The following SLMAP variants were observed in gnomAD, a reference collection of about 807,000 sequenced individuals.
SLMAP encodes the protein sarcolemma associated protein.
A neutral mutation model predicts 128.8 loss-of-function variants in SLMAP; 44 were observed. The ratio of observed to expected loss-of-function variants is 0.34; its 90% CI spans 0.27 to 0.44. SLMAP has a LOEUF of 0.44. Among genes scored for constraint, SLMAP ranks in the 20% least tolerant of loss-of-function variants. The pLI is 1.00. For missense variants in SLMAP, 787 were observed against 985.3 expected, an observed-to-expected ratio of 0.80 and a Z score of 2.69; for synonymous variants, 327 against 348.8, an observed-to-expected ratio of 0.94 and a Z score of 0.70.
rs768147597 is a variant in SLMAP, at chr3:57,922,969, T to G, written c.2391T>G (p.Asp797Glu). ...AGCAGGAAAAGCAGTCAATCACAGATGAGCTCAAACAGTGTAAAAACAACC... is the reference window on the plus strand; with the variant it reads ...AGCAGGAAAAGCAGTCAATCACAGAGGAGCTCAAACAGTGTAAAAACAACC... Reference protein sequence around the residue: ...MTEQEKQSITDELKQCKNNLK... With the variant: ...MTEQEKQSITEELKQCKNNLK... The change falls in exon 23 of 25, where the codon GAT becomes GAG. Residue 797 changes from aspartate to glutamate, a missense_variant. By Grantham distance (45) the Asp-to-Glu change is conservative. Transcript: ENST00000671191. The G allele has an allele frequency of 1.9e-6, 3 of 1,613,956 alleles. No individual in the cohort carries two copies. The South Asian group carries it at 3.3e-5, about 18-fold the overall frequency.
chr3:57,831,658 G>A (rs1376456754), intron 3 of SLMAP, 128 bp downstream of exon 3: 15 of 582,484 alleles, frequency 2.6e-5, no homozygotes, highest in Non-Finnish European at 4.0e-5. Flanking sequence ...TATATACAGT[G>A]AAAAGTTAAA....
At chr3:57,919,586 G>T (rs1283964733) in intron 22 of SLMAP, among the ~76,000 whole-genome samples, 1 of 151,848 alleles carries the variant, frequency 6.6e-6, no homozygotes, top group Non-Finnish European at 1.5e-5. Context: ...CCTGAGGTCG[G>T]CAGTTCGAGA....
chr3:57,885,380 TTG>T (rs2095852872), intron 14 of SLMAP, among the ~76,000 whole-genome samples: 1 of 145,492 alleles, frequency 6.9e-6, no homozygotes, highest in African/African-American at 2.7e-5. Flanking sequence ...AGCTTGTTTG[TTG>T]TTGTTGTTGT....
chr3:57,778,598 G>C (rs1321894166), intron 2 of SLMAP, among the ~76,000 whole-genome samples: 2 of 138,864 alleles, frequency 1.4e-5, no homozygotes, highest in Non-Finnish European at 3.1e-5. Flanking sequence ...TTGAGACCAG[G>C]CCTTGCTGTG....
At chr3:57,811,880 CA>C (rs1265877056) in intron 2 of SLMAP, among the ~76,000 whole-genome samples, 3 of 152,136 alleles carry the variant, frequency 2.0e-5, no homozygotes, top group African/African-American at 4.8e-5. Context: ...CTTCTTTGGA[CA>C]AATGTCTATT....
intron 17 of SLMAP, among the ~76,000 whole-genome samples, chr3:57,902,944 G>T (rs775238565): frequency 6.6e-6 from 1 of 152,142 alleles, no homozygotes; most frequent in Admixed American, 6.6e-5. Context: ...GCAGCTGGAT[G>T]TGCAGAACAG....
chr3:57,917,811 C>CG (rs2096843112), intron 22 of SLMAP: 1 of 152,142 alleles, frequency 6.6e-6, no homozygotes. Context: ...CTGGCCAGCT[C>CG]GGGGAATGGA....
chr3:57,759,279 CT>C (rs530906553), intron 2 of SLMAP, among the ~76,000 whole-genome samples: 674 of 141,840 alleles, frequency 4.8e-3, no homozygotes, highest in African/African-American at 6.0e-3. Flanking sequence ...ACTCGTAATC[CT>C]TTTTTTTTTT....
At chr3:57,834,533 A>G (rs1340475536) in intron 3 of SLMAP, among the ~76,000 whole-genome samples, 1 of 152,156 alleles carries the variant, frequency 6.6e-6, no homozygotes, top group Non-Finnish European at 1.5e-5. Context: ...AATTATCTCA[A>G]GAAGTGGAAA....
intron 2 of SLMAP, among the ~76,000 whole-genome samples, chr3:57,802,178 G>A (rs925304293): frequency 4.6e-5 from 7 of 151,924 alleles, no homozygotes; most frequent in Middle Eastern, 3.4e-3. Flanking sequence ...TAATTCAGCT[G>A]TAAAACAATT....
At chr3:57,850,332 T>C (rs2094455318) in intron 6 of SLMAP, among the ~76,000 whole-genome samples, 1 of 151,346 alleles carries the variant, frequency 6.6e-6, no homozygotes, top group East Asian at 1.9e-4. Context: ...GATAAAAGAG[T>C]CAACATTAAA....
At position 57,884,416 on chromosome 3, in the gene SLMAP, T is replaced by A. The variant is rs1458832839; in HGVS notation, c.1301-5625T>A. On this transcript the variant is annotated intron_variant, in intron 14 of 24. Coordinates refer to ENST00000671191, the MANE Select transcript of SLMAP (RefSeq NM_001377540.1). ...GAGAGTTAAATGAAAGTCTCTGTACTGAATCAGAATGCTCGTCAACAGGCT... is the reference window on the plus strand; with the variant it reads ...GAGAGTTAAATGAAAGTCTCTGTACAGAATCAGAATGCTCGTCAACAGGCT... Among the ~76,000 whole-genome samples, 3 of 152,196 alleles carry A rather than the reference T, an allele frequency of 2.0e-5. No homozygotes were observed. In the East Asian group the frequency reaches 5.8e-4, roughly 29 times the overall value.
chr3:57,758,152 G>A (rs553434042), intron 2 of SLMAP, among the ~76,000 whole-genome samples: 1 of 152,310 alleles, frequency 6.6e-6, no homozygotes, highest in African/African-American at 2.4e-5. Flanking sequence ...CTTTTAGTCT[G>A]TTTAGAAAGG....
At chr3:57,856,625 A>G (rs915519580) in intron 6 of SLMAP, among the ~76,000 whole-genome samples, 1 of 152,048 alleles carries the variant, frequency 6.6e-6, no homozygotes, top group African/African-American at 2.4e-5. Flanking sequence ...TCTTCTGGAT[A>G]CCTCCTAAAG....
rs1048055627 is a variant in SLMAP, at chr3:57,757,068, C to T, written c.-584C>T. 2 of 157,992 alleles carry T rather than the reference C, an allele frequency of 1.3e-5. No homozygotes were observed. The highest frequency in any genetic ancestry group is 4.8e-5 in the African/African-American group (2 of 41,498). The allele number at this position is 157,992 out of a possible 1,614,324, so 9.8% of individuals were successfully genotyped here. A position where few individuals can be genotyped will look rare whatever the true frequency, so the allele number is the denominator to read the frequency against. ...AGCAGGGGCGATGCAGACTGTCCCGCCGGCCGTCTAGAGCCCCTCCGTCTC... is the reference window on the plus strand; with the variant it reads ...AGCAGGGGCGATGCAGACTGTCCCGTCGGCCGTCTAGAGCCCCTCCGTCTC... On this transcript the variant is annotated 5_prime_UTR_variant, in exon 2 of 25. Transcript: ENST00000671191.
At chr3:57,805,080 AG>A (rs1048011732) in intron 2 of SLMAP, among the ~76,000 whole-genome samples, 2 of 152,032 alleles carry the variant, frequency 1.3e-5, no homozygotes, top group Non-Finnish European at 2.9e-5. Flanking sequence ...TACTGGTTGG[AG>A]GTATTAGCCC....
At chr3:57,897,081 G>A in intron 17 of SLMAP, 149 bp downstream of exon 17, 1 of 1,406,178 alleles carries the variant, frequency 7.1e-7, no homozygotes, top group Non-Finnish European at 9.3e-7. Flanking sequence ...AAAATTTAAA[G>A]TTTTGGTGTT....
intron 3 of SLMAP, among the ~76,000 whole-genome samples, chr3:57,839,377 TATC>T (rs1202964194): frequency 2.2e-4 from 34 of 152,142 alleles, no homozygotes; most frequent in African/African-American, 7.9e-4. Flanking sequence ...ATGTTTATAA[TATC>T]ATCTTGATGA....
At chr3:57,814,959 T>C (rs72876708) in intron 2 of SLMAP, among the ~76,000 whole-genome samples, 16,713 of 152,124 alleles carry the variant, frequency 0.11, 3,102 homozygotes, top group African/African-American at 0.38. Context: ...TGTACTCTAG[T>C]ATGGGTTACA....
Sources: gnomAD v4.1 joint callset for allele counts (sites outside exome capture counted in the v4.1 genomes callset) on GRCh38, gnomAD v4.1.1 for gene constraint, MANE v1.5 for transcripts, NCBI Gene and HGNC (gene_info 2026-07-23, HGNC 2026-07-21) for gene names.